Variants in TRAPPC8 observed in about 807,000 individuals in gnomAD.
The protein encoded by TRAPPC8 is trafficking protein particle complex subunit 8.
TRAPPC8 carries 54 observed loss-of-function variants against 174.3 expected under a neutral mutation model. The ratio of observed to expected loss-of-function variants is 0.31; its 90% CI spans 0.25 to 0.39. The LOEUF (loss-of-function observed/expected upper bound fraction) is 0.39. Ranked by LOEUF, TRAPPC8 falls within the 10% of genes least tolerant of loss-of-function variation. The pLI is 1.00. For missense variants in TRAPPC8, 1,531 were observed against 1,699.1 expected (o/e 0.90, Z 1.74); for synonymous variants, 630 against 579.9 (o/e 1.09, Z -1.24).
At chr18:31,936,834 G>A (rs952207548) in intron 1 of TRAPPC8, among the ~76,000 whole-genome samples, 1 of 150,648 alleles carries the variant, frequency 6.6e-6, no homozygotes, top group Non-Finnish European at 1.5e-5. Flanking sequence ...CCTGGGAGGC[G>A]GAGGTTGCAG....
chr18:31,932,105 A>G lies in TRAPPC8; in HGVS notation c.158-582T>C, dbSNP rs146002180. The stretch of plus-strand genomic sequence containing the variant: ...TTCTGCTCAAATTTGCCATTAATCT[A>G]AAACTGGTCTTAAAAATAGAGTCTA... On this transcript the variant is annotated intron_variant, in intron 1 of 28. Transcript: ENST00000283351. Among the ~76,000 whole-genome samples the G allele has an allele frequency of 9.2e-4, 140 of 152,242 alleles. No homozygotes were observed. In the East Asian group the frequency reaches 0.024, roughly 27 times the overall value.
At chr18:31,870,564 G>T in intron 15 of TRAPPC8, 62 bp from the exon 16 acceptor site, 1 of 1,528,652 alleles carries the variant, frequency 6.5e-7, no homozygotes, top group Admixed American at 1.9e-5. Context: ...TCTCAGCTTC[G>T]ATCTTCTAAA....
At chr18:31,915,916 G>T (rs12963629) in intron 4 of TRAPPC8, among the ~76,000 whole-genome samples, 36,489 of 146,048 alleles carry the variant, frequency 0.25, 4,923 homozygotes, top group Middle Eastern at 0.39. Flanking sequence ...AATTAGCTGG[G>T]CATGGTGGCG....
Position 31,901,042 on chromosome 18 carries a change from A to T in TRAPPC8, c.1390-17T>A. ...TGCCATTTCCTAAAATAAAAGACAT[A>T]GTTTACATATTTCAAAAGAAGAAAC... On this transcript the variant is annotated splice_polypyrimidine_tract_variant and intron_variant, in intron 9 of 28. Coordinates refer to ENST00000283351, the MANE Select transcript of TRAPPC8 (RefSeq NM_014939.5). The T allele has an allele frequency of 1.9e-6, 3 of 1,566,298 alleles. No individual in the cohort carries two copies. The highest frequency in any genetic ancestry group is 2.6e-6 in the Non-Finnish European group (3 of 1,161,280).
intron 24 of TRAPPC8, among the ~76,000 whole-genome samples, 174 bp from the exon 25 acceptor site, chr18:31,849,913 G>A (rs998310906): frequency 2.0e-5 from 3 of 151,684 alleles, no homozygotes; most frequent in Non-Finnish European, 4.4e-5. Context: ...AATACAGGGA[G>A]GCCACTTGAA....
chr18:31,900,125 T>C (rs897323080), intron 10 of TRAPPC8, among the ~76,000 whole-genome samples: 5 of 151,946 alleles, frequency 3.3e-5, no homozygotes, highest in Non-Finnish European at 2.9e-5. Flanking sequence ...TCCCAGCTAC[T>C]CCAAAGGCTG....
intron 24 of TRAPPC8, among the ~76,000 whole-genome samples, chr18:31,851,255 C>T (rs185638337): frequency 2.4e-4 from 36 of 152,282 alleles, no homozygotes; most frequent in Admixed American, 1.0e-3. Context: ...GCTTAAAATG[C>T]ATACTCCCAA....
At position 31,834,675 on chromosome 18, in the gene TRAPPC8, C is replaced by T. The variant is rs2032602067; in HGVS notation, c.3984-2502G>A. Reference sequence around the variant, plus strand: ...TAAGTGCTGAGAATGGTGACTAGCACATGTTCAAAAGCTCCATAAACATTA... The same window carrying T: ...TAAGTGCTGAGAATGGTGACTAGCATATGTTCAAAAGCTCCATAAACATTA... On this transcript the variant is annotated intron_variant, in intron 27 of 28. Transcript: ENST00000283351. Among the ~76,000 whole-genome samples, 3 of 152,168 alleles carry T rather than the reference C, an allele frequency of 2.0e-5. No homozygotes were observed. In the South Asian group the frequency reaches 6.2e-4, roughly 31 times the overall value.
intron 12 of TRAPPC8, among the ~76,000 whole-genome samples, chr18:31,880,121 A>ATATATAT (rs1239258266): frequency 1.4e-4 from 10 of 69,048 alleles, no homozygotes; most frequent in Admixed American, 4.3e-4. Flanking sequence ...ATATATATAT[A>ATATATAT]TTTTTTTTTT....
At chr18:31,869,632 T>C (rs1223613566) in intron 16 of TRAPPC8, among the ~76,000 whole-genome samples, 1 of 152,142 alleles carries the variant, frequency 6.6e-6, no homozygotes, top group Non-Finnish European at 1.5e-5. Context: ...CTATCAAAGA[T>C]AGTAAAATAG....
At chr18:31,939,285 C>G (rs2038232105) in intron 1 of TRAPPC8, 1 of 152,104 alleles carries the variant, frequency 6.6e-6, no homozygotes, top group Non-Finnish European at 1.5e-5. Context: ...CTTGTATCTA[C>G]TTATATCTAT....
At chr18:31,889,054 T>C (rs141106414) in intron 12 of TRAPPC8, among the ~76,000 whole-genome samples, 4 of 152,286 alleles carry the variant, frequency 2.6e-5, no homozygotes, top group East Asian at 3.9e-4. Flanking sequence ...ATATATTGTA[T>C]TGGCTTATCT....
At chr18:31,893,419 CTG>C (rs915962316) in intron 11 of TRAPPC8, among the ~76,000 whole-genome samples, 12 of 151,420 alleles carry the variant, frequency 7.9e-5, no homozygotes, top group African/African-American at 1.9e-4. Context: ...GCGCGTGTGC[CTG>C]TGTGTGTGTT....
intron 12 of TRAPPC8, among the ~76,000 whole-genome samples, chr18:31,887,839 G>A (rs140165762): frequency 9.8e-4 from 149 of 152,142 alleles, no homozygotes; most frequent in East Asian, 5.4e-3. Flanking sequence ...AGTATTGGAC[G>A]TTCTGGCCAG....
At chr18:31,934,982 AT>A (rs2038019374) in intron 1 of TRAPPC8, among the ~76,000 whole-genome samples, 2 of 151,466 alleles carry the variant, frequency 1.3e-5, no homozygotes, top group East Asian at 3.9e-4. Context: ...AAATAAATAA[AT>A]AAATAAAATG....
At chr18:31,920,950 A>AC (rs2037361648) in intron 2 of TRAPPC8, among the ~76,000 whole-genome samples, 1 of 147,500 alleles carries the variant, frequency 6.8e-6, no homozygotes, top group Non-Finnish European at 1.5e-5. Flanking sequence ...CGTCTCAAAA[A>AC]AAAAAAAAAA....
At chr18:31,898,100 CTT>C (rs1166804329) in intron 10 of TRAPPC8, among the ~76,000 whole-genome samples, 1 of 152,096 alleles carries the variant, frequency 6.6e-6, no homozygotes. Context: ...TACACATCCT[CTT>C]ATATAATTTA....
Position 31,890,773 on chromosome 18 carries a change from T to C in TRAPPC8, c.1690A>G (p.Met564Val), listed in dbSNP as rs770043085. ...SPMVRKYAFH[M>V]ILAGHRFSKA... Reference sequence around the variant, plus strand: ...CTAAATCGATGGCCTGCCAATATCATATGAAATGCATATTTTCTAACCATG... The same window carrying C: ...CTAAATCGATGGCCTGCCAATATCACATGAAATGCATATTTTCTAACCATG... The change falls in exon 12 of 29, where the codon ATG (methionine) becomes GTG (valine). Residue 564 changes from methionine to valine, a missense_variant. By Grantham distance (21) the Met-to-Val change is conservative. Transcript: ENST00000283351. 8 of 1,612,366 alleles carry C rather than the reference T, an allele frequency of 5.0e-6. No individual in the cohort carries two copies. Among genetic ancestry groups the C allele is most frequent in the Non-Finnish European group, 6.8e-6 (8 of 1,178,994 alleles).
At chr18:31,918,881 T>G (rs1475712838) in intron 2 of TRAPPC8, among the ~76,000 whole-genome samples, 2 of 152,222 alleles carry the variant, frequency 1.3e-5, no homozygotes, top group Non-Finnish European at 2.9e-5. Flanking sequence ...GCAGATTATC[T>G]ATATCACAGT....
Sources: allele counts gnomAD v4.1 joint callset (sites outside exome capture counted in the v4.1 genomes callset), GRCh38; gene constraint gnomAD v4.1.1; transcripts MANE v1.5; gene names NCBI Gene and HGNC (gene_info 2026-07-23, HGNC 2026-07-21).